PHF24: variants seen among roughly 807,000 people sequenced by gnomAD.
PHF24 encodes PHD finger protein 24, also known as Galpha inhibitory interacting protein.
A neutral mutation model predicts 42.6 loss-of-function variants in PHF24; 25 were observed. That is an observed-to-expected ratio of 0.59 (90% CI 0.43 to 0.82). The LOEUF (loss-of-function observed/expected upper bound fraction) is 0.82, where lower values mean the gene tolerates loss of function less well. Ranked by LOEUF, PHF24 falls within the 40% of genes least tolerant of loss-of-function variation. The pLI, the probability that PHF24 is intolerant of heterozygous loss-of-function variation, is 0.00. For missense variants in PHF24, 470 were observed against 538.1 expected (o/e 0.87, Z 1.25); for synonymous variants, 185 against 204.8 (o/e 0.90, Z 0.83).
the PHF24 span, among the ~76,000 whole-genome samples, chr9:34,886,491 CTGAT>C: frequency 2.0e-5 from 3 of 152,170 alleles, no homozygotes; most frequent in Non-Finnish European, 2.9e-5. Flanking sequence ...TCTTAATTGA[CTGAT>C]TGGCAACTTG....
At chr9:34,969,216 CAG>C (rs1368253079) in intron 1 of PHF24, among the ~76,000 whole-genome samples, 6 of 152,220 alleles carry the variant, frequency 3.9e-5, no homozygotes, top group East Asian at 3.8e-4. Flanking sequence ...AAGTTTTAAT[CAG>C]GGGATAACTC....
the PHF24 span, among the ~76,000 whole-genome samples, chr9:34,874,859 A>G: frequency 5.3e-5 from 8 of 152,268 alleles, no homozygotes; most frequent in South Asian, 1.7e-3. Flanking sequence ...TTTAAGGGGT[A>G]CTTGAGATGT....
At chr9:34,936,793 C>T in the PHF24 span, among the ~76,000 whole-genome samples, 1 of 150,824 alleles carries the variant, frequency 6.6e-6, no homozygotes, top group South Asian at 2.1e-4. Context: ...CGTCTCTGCC[C>T]AGCCGCCCCG....
the PHF24 span, among the ~76,000 whole-genome samples, chr9:34,744,034 G>A: frequency 6.6e-6 from 1 of 152,274 alleles, no homozygotes; most frequent in Admixed American, 6.5e-5. Context: ...CCTTTCATGA[G>A]GGCTCTGCTC....
chr9:34,823,202 CAAAAAAA>C, the PHF24 span, among the ~76,000 whole-genome samples: 3 of 58,642 alleles, frequency 5.1e-5, no homozygotes, highest in African/African-American at 1.4e-4. Flanking sequence ...GACTCCGTCT[CAAAAAAA>C]AAAAAAAAAA....
chr9:34,912,458 A>G, the PHF24 span, among the ~76,000 whole-genome samples: 5 of 152,190 alleles, frequency 3.3e-5, no homozygotes, highest in Non-Finnish European at 7.3e-5. Context: ...GGGATCCCCA[A>G]CTTCCATGTG....
At chr9:34,902,047 C>A in the PHF24 span, among the ~76,000 whole-genome samples, 323 of 151,976 alleles carry the variant, frequency 2.1e-3, 1 homozygote, top group Middle Eastern at 0.014. Flanking sequence ...ACAGAATCTT[C>A]CAAAAATGTT....
the PHF24 span, among the ~76,000 whole-genome samples, chr9:34,825,437 G>A: frequency 1.7e-4 from 26 of 152,168 alleles, no homozygotes; most frequent in African/African-American, 5.8e-4. Context: ...AGCCTGGTCT[G>A]AGGTAGCCTA....
the PHF24 span, among the ~76,000 whole-genome samples, chr9:34,837,999 T>A: frequency 6.6e-6 from 1 of 152,212 alleles, no homozygotes; most frequent in African/African-American, 2.4e-5. Context: ...TATGTGGTTC[T>A]AATACCTAAA....
intron 1 of PHF24, among the ~76,000 whole-genome samples, chr9:34,962,860 A>G (rs776926031): frequency 9.9e-5 from 15 of 152,218 alleles, no homozygotes; most frequent in Non-Finnish European, 1.8e-4. Flanking sequence ...TCTCATCTAT[A>G]TTAGAACTTT....
chr9:34,909,883 T>G, the PHF24 span, among the ~76,000 whole-genome samples: 1 of 152,160 alleles, frequency 6.6e-6, no homozygotes, highest in Non-Finnish European at 1.5e-5. Flanking sequence ...CGCCTTAGCC[T>G]CCCAAAGTGC....
the PHF24 span, chr9:34,709,301 C>T: frequency 1.6e-5 from 24 of 1,479,702 alleles, no homozygotes; most frequent in Non-Finnish European, 2.1e-5. Context: ...GCTCCAGGGC[C>T]CCTGAGCATA....
the PHF24 span, among the ~76,000 whole-genome samples, chr9:34,817,236 T>C: frequency 6.6e-6 from 1 of 152,188 alleles, no homozygotes; most frequent in South Asian, 2.1e-4. Flanking sequence ...TTTCTTTTTA[T>C]CATTTGTATT....
chr9:34,906,311 A>T, the PHF24 span, among the ~76,000 whole-genome samples: 1 of 152,166 alleles, frequency 6.6e-6, no homozygotes, highest in Non-Finnish European at 1.5e-5. Flanking sequence ...CAAGGTCATA[A>T]ATCAGTACAT....
chr9:34,764,716 T>A, the PHF24 span, among the ~76,000 whole-genome samples: 1 of 152,176 alleles, frequency 6.6e-6, no homozygotes, highest in Non-Finnish European at 1.5e-5. Flanking sequence ...TGCTCTGATT[T>A]TAGTTATTTC....
At chr9:34,696,486 C>CA in the PHF24 span, among the ~76,000 whole-genome samples, 1,973 of 92,266 alleles carry the variant, frequency 0.021, 21 homozygotes, top group Middle Eastern at 0.047. Context: ...GACTCCATCT[C>CA]AAAAAAAAAA....
At chr9:34,738,170 G>A in the PHF24 span, among the ~76,000 whole-genome samples, 1 of 151,962 alleles carries the variant, frequency 6.6e-6, no homozygotes, top group Non-Finnish European at 1.5e-5. Context: ...TTATCTGACC[G>A]CCACTGTGGC....
the PHF24 span, among the ~76,000 whole-genome samples, chr9:34,811,231 G>A: frequency 6.6e-6 from 1 of 152,216 alleles, no homozygotes; most frequent in Admixed American, 6.5e-5. Context: ...TCAAGGAGAG[G>A]AAGAAGCAAG....
the PHF24 span, chr9:34,834,261 C>T: frequency 0.04 from 60,671 of 1,505,396 alleles, 852 homozygotes; most frequent in African/African-American, 0.25. Flanking sequence ...CATTTGGAGT[C>T]GATGTGGCTC....
Sources: allele counts gnomAD v4.1 joint callset (sites outside exome capture counted in the v4.1 genomes callset), GRCh38; gene constraint gnomAD v4.1.1; transcripts MANE v1.5; gene names NCBI Gene and HGNC (gene_info 2026-07-23, HGNC 2026-07-21).